Variants in RSRC1 observed in about 807,000 individuals in gnomAD.
RSRC1 encodes the protein arginine and serine rich coiled-coil 1, also known as serine/Arginine-related protein 53.
A neutral mutation model predicts 49.1 loss-of-function variants in RSRC1; 39 were observed. That is an observed-to-expected ratio of 0.79 (90% CI 0.61 to 1.04). RSRC1 has a LOEUF of 1.04. Ranked by LOEUF, RSRC1 falls within the 50% of genes least tolerant of loss-of-function variation. The probability of loss-of-function intolerance (pLI) is 0.00; values close to 1 mark genes in which losing one functional copy is unlikely to be tolerated. For synonymous variants in RSRC1, 143 were observed against 130.8 expected (o/e 1.09, Z -0.63); for missense variants, 388 against 402.4 (o/e 0.96, Z 0.31).
chr3:158,259,927 A>G (rs73166357), intron 4 of RSRC1, among the ~76,000 whole-genome samples: 18,309 of 151,698 alleles, frequency 0.12, 1,371 homozygotes, highest in Middle Eastern at 0.2. Context: ...GGTTCTTTCA[A>G]TAGCTTGTGG....
At chr3:158,266,734 A>G (rs1268089627) in intron 4 of RSRC1, among the ~76,000 whole-genome samples, 1 of 151,694 alleles carries the variant, frequency 6.6e-6, no homozygotes. Flanking sequence ...AAGTGTCTTC[A>G]TTTCACCTTC....
At chr3:158,410,203 C>T (rs1560030056) in intron 6 of RSRC1, among the ~76,000 whole-genome samples, 1 of 152,146 alleles carries the variant, frequency 6.6e-6, no homozygotes, top group Non-Finnish European at 1.5e-5. Context: ...TAGCTACAAG[C>T]TTCCATGGTT....
At chr3:158,370,890 T>G (rs1201474869) in intron 6 of RSRC1, among the ~76,000 whole-genome samples, 2 of 151,934 alleles carry the variant, frequency 1.3e-5, no homozygotes, top group Admixed American at 6.6e-5. Flanking sequence ...GTTTGTATTT[T>G]CACAAGCATT....
intron 5 of RSRC1, among the ~76,000 whole-genome samples, chr3:158,325,938 C>T (rs1195066843): frequency 6.6e-6 from 1 of 152,138 alleles, no homozygotes; most frequent in East Asian, 1.9e-4. Flanking sequence ...TTGAAGAGAT[C>T]CTTCACATCC....
intron 3 of RSRC1, among the ~76,000 whole-genome samples, chr3:158,193,313 A>T (rs1720349773): frequency 6.6e-6 from 1 of 152,142 alleles, no homozygotes; most frequent in Admixed American, 6.6e-5. Flanking sequence ...TGATTTTACC[A>T]AAATCCACCT....
intron 4 of RSRC1, among the ~76,000 whole-genome samples, chr3:158,205,165 G>T (rs927781808): frequency 6.6e-6 from 1 of 152,106 alleles, no homozygotes; most frequent in African/African-American, 2.4e-5. Context: ...GGGCACTGGG[G>T]ACTGATGCCA....
intron 7 of RSRC1, among the ~76,000 whole-genome samples, chr3:158,513,308 G>C (rs1464694626): frequency 1.3e-5 from 2 of 148,472 alleles, no homozygotes; most frequent in Non-Finnish European, 3.0e-5. Flanking sequence ...CCAATTTATT[G>C]AGAGTTTTTA....
At chr3:158,456,665 A>G (rs1737340273) in intron 6 of RSRC1, among the ~76,000 whole-genome samples, 1 of 152,174 alleles carries the variant, frequency 6.6e-6, no homozygotes, top group South Asian at 2.1e-4. Context: ...TTGAAGTAAA[A>G]CTTTCTGGTA....
intron 5 of RSRC1, among the ~76,000 whole-genome samples, chr3:158,309,417 G>T (rs1728012253): frequency 1.3e-5 from 2 of 151,572 alleles, no homozygotes. Flanking sequence ...TTATTGGTCT[G>T]ATTTTCTATT....
chr3:158,276,038 A>G, intron 4 of RSRC1: 1 of 851,294 alleles, frequency 1.2e-6, no homozygotes, highest in East Asian at 2.5e-5. Flanking sequence ...GCCTCAAAAA[A>G]TTTCTATGTG....
At chr3:158,216,767 T>C (rs1341174036) in intron 4 of RSRC1, among the ~76,000 whole-genome samples, 1 of 151,696 alleles carries the variant, frequency 6.6e-6, no homozygotes, top group African/African-American at 2.4e-5. Flanking sequence ...CAGAGGTGAA[T>C]TTGTTATCCT....
At chr3:158,516,834 A>G (rs940945182) in intron 7 of RSRC1, among the ~76,000 whole-genome samples, 2 of 152,330 alleles carry the variant, frequency 1.3e-5, no homozygotes, top group Non-Finnish European at 2.9e-5. Context: ...AAAGTGCGGT[A>G]TTCAGGTGGG....
chr3:158,369,168 T>C (rs1026677975), intron 6 of RSRC1, among the ~76,000 whole-genome samples: 1 of 152,124 alleles, frequency 6.6e-6, no homozygotes, highest in African/African-American at 2.4e-5. Flanking sequence ...TTTAAATAAT[T>C]GATCCATGTT....
intron 3 of RSRC1, among the ~76,000 whole-genome samples, chr3:158,163,650 G>A (rs921998117): frequency 6.6e-6 from 1 of 151,960 alleles, no homozygotes; most frequent in Non-Finnish European, 1.5e-5. Context: ...GATATAGTAG[G>A]ACATTTACAC....
intron 6 of RSRC1, among the ~76,000 whole-genome samples, chr3:158,386,864 C>CA (rs1160292805): frequency 1.3e-5 from 2 of 150,262 alleles, no homozygotes; most frequent in Non-Finnish European, 3.0e-5. Context: ...CGTATTATTG[C>CA]AAAATCATCG....
At chr3:158,374,052 A>G (rs1732222794) in intron 6 of RSRC1, among the ~76,000 whole-genome samples, 1 of 152,088 alleles carries the variant, frequency 6.6e-6, no homozygotes. Context: ...TCATGTTCCT[A>G]TAATTGAAAA....
intron 6 of RSRC1, among the ~76,000 whole-genome samples, chr3:158,411,392 T>C (rs1286269587): frequency 6.6e-6 from 1 of 152,164 alleles, no homozygotes; most frequent in African/African-American, 2.4e-5. Context: ...AAAGTGGATA[T>C]ACGAATTAAT....
chr3:158,497,582 G>A (rs188166632), intron 7 of RSRC1, among the ~76,000 whole-genome samples: 85 of 151,874 alleles, frequency 5.6e-4, no homozygotes, highest in East Asian at 2.5e-3. Context: ...GACTACAGGC[G>A]CGTGCCACCA....
At chr3:158,434,820 T>C (rs1735961506) in intron 6 of RSRC1, among the ~76,000 whole-genome samples, 1 of 151,996 alleles carries the variant, frequency 6.6e-6, no homozygotes, top group Non-Finnish European at 1.5e-5. Flanking sequence ...TGCTCAATTC[T>C]GAAGGCATTG....
Sources: gnomAD v4.1 joint callset for allele counts (sites outside exome capture counted in the v4.1 genomes callset) on GRCh38, gnomAD v4.1.1 for gene constraint, MANE v1.5 for transcripts, NCBI Gene and HGNC (gene_info 2026-07-23, HGNC 2026-07-21) for gene names.